OSBPL5: variants seen among roughly 807,000 people sequenced by gnomAD.
The protein encoded by OSBPL5 is oxysterol binding protein like 5, also known as oxysterol-binding protein-related protein 5.
In OSBPL5, 71 loss-of-function variants were observed where a neutral mutation model predicts 111.2. That is an observed-to-expected ratio of 0.64 (90% CI 0.53 to 0.78). The LOEUF (loss-of-function observed/expected upper bound fraction) is 0.78. Ranked by LOEUF, OSBPL5 falls within the 30% of genes least tolerant of loss-of-function variation. The pLI, the probability that OSBPL5 is intolerant of heterozygous loss-of-function variation, is 0.00. For synonymous variants in OSBPL5, 549 were observed against 513.9 expected (o/e 1.07, Z -0.93); for missense variants, 1,210 against 1,189.3 (o/e 1.02, Z -0.26).
Position 3,126,798 on chromosome 11 carries a change from G to C in OSBPL5, c.137-243C>G, listed in dbSNP as rs941867490. On this transcript the variant is annotated intron_variant, in intron 2 of 21. Transcript: ENST00000263650. This position sits in a 1 kb window ranked among gnomAD's most constrained non-coding sequence, Gnocchi z 6.5. ...GGCCTCCAGGACCTACAGGGAGGAAGCTGGGACAGGAGCTGGTAGGAACCG... is the reference window on the plus strand; with the variant it reads ...GGCCTCCAGGACCTACAGGGAGGAACCTGGGACAGGAGCTGGTAGGAACCG... 6.6e-6 allele frequency among the ~76,000 whole-genome samples: 1 copy of C among 152,226 alleles called. No homozygotes were observed. Among genetic ancestry groups the C allele is most frequent in the Non-Finnish European group, 1.5e-5 (1 of 68,038 alleles).
rs1374764819 is a variant in OSBPL5 at position 3,130,366 on chromosome 11, G to A, written c.-21-1197C>T. Among the ~76,000 whole-genome samples, 1 of 152,236 alleles carries A rather than the reference G, an allele frequency of 6.6e-6. No individual in the cohort carries two copies. The highest frequency in any genetic ancestry group is 1.5e-5 in the Non-Finnish European group (1 of 68,042). ...GGCCAGTGGCATCCTGCCAAGCCCG[G>A]GACAAAGGCCTCGATTTCTCCCATG... is the stretch of plus-strand genomic sequence containing the variant. On this transcript the variant is annotated intron_variant, in intron 1 of 21. Transcript: ENST00000263650. This position sits in a 1 kb window ranked among gnomAD's most constrained non-coding sequence, Gnocchi z 4.5.
chr11:3,158,117 C>G (rs1461160647), intron 1 of OSBPL5, among the ~76,000 whole-genome samples: 1 of 152,250 alleles, frequency 6.6e-6, no homozygotes, highest in Non-Finnish European at 1.5e-5. Flanking sequence ...CACATCCTGA[C>G]GTTTCTAGGT....
rs184496829 is a variant in OSBPL5, at chr11:3,141,501, A to G, written c.-21-12332T>C. Among the ~76,000 whole-genome samples, 23 of 152,260 alleles carry G rather than the reference A, an allele frequency of 1.5e-4. No homozygotes were observed. Among genetic ancestry groups the G allele is most frequent in the Non-Finnish European group, 2.5e-4 (17 of 68,024 alleles). ...GGGGTCTCAAACAGAAGGACCCCCA[A>G]TCTGTCTTCCGCTGTGGTGGAGAGC... On this transcript the variant is annotated intron_variant, in intron 1 of 21. Coordinates refer to ENST00000263650, the MANE Select transcript of OSBPL5 (RefSeq NM_020896.4). The surrounding 1 kb of genome is among the most constrained non-coding windows in gnomAD (Gnocchi z 6.5).
chr11:3,155,047 G>A (rs1051266544), intron 1 of OSBPL5, among the ~76,000 whole-genome samples: 1 of 152,198 alleles, frequency 6.6e-6, no homozygotes, highest in Non-Finnish European at 1.5e-5. Flanking sequence ...GACCCTGCAA[G>A]GACACAGGGA....
chr11:3,139,359 G>A (rs899760264), intron 1 of OSBPL5, among the ~76,000 whole-genome samples: 1 of 152,354 alleles, frequency 6.6e-6, no homozygotes, highest in African/African-American at 2.4e-5. Context: ...TGAAGGTGCT[G>A]GCTGTGCTGT....
At chr11:3,135,236 A>G (rs1845917474) in intron 1 of OSBPL5, among the ~76,000 whole-genome samples, 2 of 152,208 alleles carry the variant, frequency 1.3e-5, no homozygotes, top group African/African-American at 4.8e-5. Flanking sequence ...TGCTTCCGCC[A>G]AGGGGACACT....
At position 3,126,552 on chromosome 11, in the gene OSBPL5, T is replaced by C; in HGVS notation, c.140A>G (p.Lys47Arg). 6.2e-7 allele frequency: 1 copy of C among 1,607,302 alleles called. No homozygotes were observed. Among genetic ancestry groups the C allele is most frequent in the Non-Finnish European group, 8.5e-7 (1 of 1,177,832 alleles). ...DNELYPLSPG[K>R]DMEPNGPSLP... Reference sequence around the variant, plus strand: ...CGACGGGCCGTTGGGCTCCATGTCCTTCCCTGCAAGAGAGCAGTGGGAGTG... The same window carrying C: ...CGACGGGCCGTTGGGCTCCATGTCCCTCCCTGCAAGAGAGCAGTGGGAGTG... The change falls in exon 3 of 22, where the codon AAG (lysine) becomes AGG (arginine). Residue 47 changes from lysine (K) to arginine (R), a missense_variant. Coordinates refer to ENST00000263650, the MANE Select transcript of OSBPL5 (RefSeq NM_020896.4). The surrounding 1 kb of genome is among the most constrained non-coding windows in gnomAD (Gnocchi z 6.5).
chr11:3,114,667 T>G (rs187010426), intron 7 of OSBPL5, among the ~76,000 whole-genome samples: 1 of 148,990 alleles, frequency 6.7e-6, no homozygotes, highest in East Asian at 2.0e-4. Context: ...GGCGTGATCT[T>G]GGCTCACTGC....
In OSBPL5 at chr11:3,106,925, C is replaced by T. The variant is rs1006940097; in HGVS notation, c.1059+338G>A. 3.3e-5 allele frequency among the ~76,000 whole-genome samples: 5 copies of T among 152,186 alleles called. No individual in the cohort carries two copies. Among genetic ancestry groups the T allele is most frequent in the South Asian group, 2.1e-4 (1 of 4,826 alleles). ...TGCGCTCCTCCAGGAAGTGGGGCCG[C>T]CCAGCAGATGGGGTCAAGGGCCCCT... On this transcript the variant is annotated intron_variant, in intron 9 of 21. Transcript: ENST00000263650. This position sits in a 1 kb window ranked among gnomAD's most constrained non-coding sequence, Gnocchi z 8.4.
Position 3,092,908 on chromosome 11 carries a change from G to A in OSBPL5, c.2091C>T (p.His697=). 1 of 1,564,094 alleles carries A rather than the reference G, an allele frequency of 6.4e-7. No individual in the cohort carries two copies. Among genetic ancestry groups the A allele is most frequent in the Non-Finnish European group, 8.7e-7 (1 of 1,153,994 alleles). Residue 697 remains histidine, a synonymous_variant, in exon 18 of 22, where the codon CAC becomes CAT. Transcript: ENST00000263650. This position sits in a 1 kb window ranked among gnomAD's most constrained non-coding sequence, Gnocchi z 5.4. ...SLMPWKPQLF[H]LDPITQEWHY... is the part of the protein sequence containing the mutation. ...GCCACTCCTGGGTGATGGGGTCCAG[G>A]TGGAACAGCTGCGGCTTCCAGGGCA...
At chr11:3,155,954 T>C (rs951201874) in intron 1 of OSBPL5, among the ~76,000 whole-genome samples, 3 of 152,266 alleles carry the variant, frequency 2.0e-5, no homozygotes, top group Non-Finnish European at 2.9e-5. Flanking sequence ...CCTGTGTTTC[T>C]GGTTTTAATT....
At chr11:3,158,573 G>A (rs910906521) in intron 1 of OSBPL5, among the ~76,000 whole-genome samples, 3 of 152,258 alleles carry the variant, frequency 2.0e-5, no homozygotes, top group African/African-American at 4.8e-5. Context: ...CCCACGTGCA[G>A]AAGCTAGACT....
chr11:3,101,635 C>G lies in OSBPL5; in HGVS notation c.1490G>C (p.Ser497Thr). The change falls in exon 13 of 22, where the codon AGT becomes ACT. Residue 497 changes from serine (S) to threonine (T), a missense_variant. Physicochemically the swap from Ser to Thr is moderately conservative, Grantham distance 58 (BLOSUM62 1). Transcript: ENST00000263650. ...CCTGGACTTGGCTGTGATGCTGCCACTGATGCAGAAGCCGTCCTTCCGGTT... is the reference window on the plus strand; with the variant it reads ...CCTGGACTTGGCTGTGATGCTGCCAGTGATGCAGAAGCCGTCCTTCCGGTT... The part of the protein sequence containing the change: ...VSNRKDGFCI[S>T]GSITAKSRFY... 1 of 1,613,986 alleles carries G rather than the reference C, an allele frequency of 6.2e-7. No homozygotes were observed. The highest frequency in any genetic ancestry group is 2.2e-5 in the East Asian group (1 of 44,864).
intron 1 of OSBPL5, among the ~76,000 whole-genome samples, chr11:3,156,551 C>G (rs541261280): frequency 1.3e-5 from 2 of 152,164 alleles, no homozygotes; most frequent in South Asian, 4.2e-4. Context: ...GGGAAAGAAT[C>G]GAGCTCTGGG....
chr11:3,103,088 G>T, intron 11 of OSBPL5, 151 bp downstream of exon 11: 1 of 633,806 alleles, frequency 1.6e-6, no homozygotes, highest in Non-Finnish European at 2.6e-6. Flanking sequence ...CATCACCAAG[G>T]ACCTGGGCCC....
At position 3,107,497 on chromosome 11, in the gene OSBPL5, G is replaced by C. The variant is rs1018506699; in HGVS notation, c.867-42C>G. 5 of 1,606,752 alleles carry C rather than the reference G, an allele frequency of 3.1e-6. No individual in the cohort carries two copies. The African/African-American group carries it at 6.7e-5, about 22-fold the overall frequency. On this transcript the variant is annotated intron_variant, in intron 8 of 21. Transcript: ENST00000263650. The surrounding 1 kb of genome is among the most constrained non-coding windows in gnomAD (Gnocchi z 6.1). ...GCCAGTGGGTCCCTGTCACAGGTGA[G>C]AGCCCAGCACAGCCCTCTGGGCTGC...
rs748047938 is a variant in OSBPL5, at chr11:3,093,605, G to A, written c.1868C>T (p.Pro623Leu). The A allele has an allele frequency of 2.0e-5, 32 of 1,612,882 alleles. No homozygotes were observed. Among genetic ancestry groups the A allele is most frequent in the East Asian group, 1.6e-4 (7 of 44,876 alleles). Residue 623 changes from proline to leucine, a missense_variant, in exon 17 of 22, where the codon CCG (proline) becomes CTG (leucine). Pro to Leu is a moderately conservative substitution (Grantham distance 98). Transcript: ENST00000263650. Reference sequence around the variant, plus strand: ...CCTCTGTCTGCGGACCTCCCCGCTCGGGGTCCAGAAAAGCGCACTGCTTCC... The same window carrying A: ...CCTCTGTCTGCGGACCTCCCCGCTCAGGGTCCAGAAAAGCGCACTGCTTCC... ...GSGSSALFWT[P>L]SGEVRRQRLR...
Position 3,107,456 on chromosome 11 carries a change from C to G in OSBPL5, c.867-1G>C. ...GTTCTCCAGGGAAGACCCGTTCAGT[C>G]TGGAAGGTGGATGGTGCCAGTGGGT... On this transcript the variant is annotated splice_acceptor_variant, in intron 8 of 21. Coordinates refer to ENST00000263650, the MANE Select transcript of OSBPL5 (RefSeq NM_020896.4). LOFTEE classifies it high-confidence loss of function. The surrounding 1 kb of genome is among the most constrained non-coding windows in gnomAD (Gnocchi z 6.1). 3 of 1,613,920 alleles carry G rather than the reference C, an allele frequency of 1.9e-6. No individual in the cohort carries two copies. The highest frequency in any genetic ancestry group is 2.5e-6 in the Non-Finnish European group (3 of 1,179,894).
At chr11:3,132,139 C>G (rs536938171) in intron 1 of OSBPL5, among the ~76,000 whole-genome samples, 1 of 151,984 alleles carries the variant, frequency 6.6e-6, no homozygotes, top group African/African-American at 2.4e-5. Flanking sequence ...TCCCATTCAC[C>G]TCACACTCAG....
Sources: gnomAD v4.1 joint callset for allele counts (sites outside exome capture counted in the v4.1 genomes callset) on GRCh38, gnomAD v4.1.1 for gene constraint, Gnocchi (gnomAD v3.1) non-coding constraint, MANE v1.5 for transcripts, NCBI Gene and HGNC (gene_info 2026-07-23, HGNC 2026-07-21) for gene names.